Variants in ZNF277 observed in about 807,000 individuals in gnomAD.
ZNF277 encodes zinc finger protein 277.
Under a neutral mutation model 60.7 loss-of-function variants are expected in ZNF277, and 55 were observed. The ratio of observed to expected loss-of-function variants is 0.91; its 90% confidence interval spans 0.73 to 1.13. The LOEUF (loss-of-function observed/expected upper bound fraction) is 1.13, where lower values mean the gene tolerates loss of function less well. Among genes scored for constraint, ZNF277 ranks in the 50% most tolerant of loss-of-function variants. The pLI is 0.00. For missense variants in ZNF277, 510 were observed against 523.0 expected, an observed-to-expected ratio of 0.98 and a Z score of 0.24; for synonymous variants, 178 against 179.3, an observed-to-expected ratio of 0.99 and a Z score of 0.06.
intron 1 of ZNF277, among the ~76,000 whole-genome samples, chr7:112,270,466 A>G (rs1187761256): frequency 2.0e-5 from 3 of 152,090 alleles, no homozygotes; most frequent in South Asian, 4.1e-4. Flanking sequence ...TGCTTTTAAT[A>G]ATGAGAAAGC....
chr7:112,293,271 T>C (rs1406165349), intron 2 of ZNF277, among the ~76,000 whole-genome samples: 1 of 152,050 alleles, frequency 6.6e-6, no homozygotes, highest in Non-Finnish European at 1.5e-5. Flanking sequence ...ACAATATTGA[T>C]TGTCCATTTA....
intron 4 of ZNF277, among the ~76,000 whole-genome samples, chr7:112,311,031 C>T (rs1474905498): frequency 6.6e-6 from 1 of 152,112 alleles, no homozygotes; most frequent in Admixed American, 6.6e-5. Context: ...TCCCTTTAAG[C>T]ATCAGTTTTT....
At chr7:112,271,348 C>T (rs1791665340) in intron 1 of ZNF277, among the ~76,000 whole-genome samples, 1 of 152,106 alleles carries the variant, frequency 6.6e-6, no homozygotes, top group African/African-American at 2.4e-5. Flanking sequence ...CTCATCCTTC[C>T]TCTTTGAAGT....
intron 1 of ZNF277, among the ~76,000 whole-genome samples, chr7:112,239,252 T>C (rs1790881947): frequency 6.6e-6 from 1 of 152,152 alleles, no homozygotes; most frequent in Admixed American, 6.5e-5. Flanking sequence ...TCCTAAAGTT[T>C]CCAGTTCTAA....
At chr7:112,339,375 G>A (rs534235427) in intron 9 of ZNF277, among the ~76,000 whole-genome samples, 3 of 152,194 alleles carry the variant, frequency 2.0e-5, no homozygotes, top group Non-Finnish European at 2.9e-5. Context: ...CTGGAGTGCA[G>A]TGTCACGATC....
intron 4 of ZNF277, among the ~76,000 whole-genome samples, chr7:112,317,280 CAT>C (rs1233467765): frequency 6.6e-6 from 1 of 151,996 alleles, no homozygotes; most frequent in Admixed American, 6.6e-5. Flanking sequence ...ATGATCTGCA[CAT>C]GTATCCCAGA....
At chr7:112,238,644 C>CTT (rs1790866091) in intron 1 of ZNF277, among the ~76,000 whole-genome samples, 1 of 151,218 alleles carries the variant, frequency 6.6e-6, no homozygotes, top group Non-Finnish European at 1.5e-5. Context: ...CCCGCAGAGA[C>CTT]TCCATCCTTG....
At chr7:112,332,082 G>A (rs1793239284) in intron 7 of ZNF277, among the ~76,000 whole-genome samples, 1 of 152,226 alleles carries the variant, frequency 6.6e-6, no homozygotes, top group East Asian at 1.9e-4. Flanking sequence ...GAGCATGGCA[G>A]ATTGTGCTGC....
chr7:112,254,140 A>G (rs528512019), intron 1 of ZNF277, among the ~76,000 whole-genome samples: 1 of 152,364 alleles, frequency 6.6e-6, no homozygotes, highest in Admixed American at 6.5e-5. Context: ...TCTAACTAGC[A>G]TTGAATCTTT....
chr7:112,288,448 T>C (rs1000160508), intron 2 of ZNF277: 3 of 152,160 alleles, frequency 2.0e-5, no homozygotes, highest in African/African-American at 7.2e-5. Flanking sequence ...GCTGTATTAT[T>C]AAGAGCTGAC....
intron 1 of ZNF277, among the ~76,000 whole-genome samples, chr7:112,270,542 A>T (rs115043109): frequency 0.013 from 1,986 of 152,254 alleles, 47 homozygotes; most frequent in African/African-American, 0.046. Flanking sequence ...TACAACTTAT[A>T]TTGTATTCTG....
At chr7:112,258,367 C>CT (rs67383462) in intron 1 of ZNF277, among the ~76,000 whole-genome samples, 13 of 146,554 alleles carry the variant, frequency 8.9e-5, no homozygotes, top group South Asian at 2.2e-4. Flanking sequence ...ATAAACACTT[C>CT]TTTTTTTTTT....
intron 2 of ZNF277, among the ~76,000 whole-genome samples, chr7:112,294,997 C>T (rs1308122077): frequency 6.6e-6 from 1 of 152,064 alleles, no homozygotes; most frequent in Non-Finnish European, 1.5e-5. Context: ...CAATAAGTCC[C>T]ATTTCTTTTT....
intron 4 of ZNF277, 117 bp from the exon 5 acceptor site, chr7:112,318,065 A>G (rs1394756913): frequency 1.4e-6 from 1 of 740,320 alleles, no homozygotes; most frequent in Non-Finnish European, 2.2e-6. Context: ...AAATGTTGGC[A>G]ACTTTTATAT....
At chr7:112,272,095 G>A (rs1791682580) in intron 1 of ZNF277, among the ~76,000 whole-genome samples, 1 of 151,938 alleles carries the variant, frequency 6.6e-6, no homozygotes, top group East Asian at 1.9e-4. Context: ...CCCCCTACTA[G>A]CCAGCCTCTA....
rs1383085430 is a variant in ZNF277 at position 112,339,982 on chromosome 7, C to T, written c.1009+97C>T. 11 of 1,118,872 alleles carry T rather than the reference C, an allele frequency of 9.8e-6. No individual in the cohort carries two copies. In the Admixed American group the frequency reaches 1.6e-4, roughly 16 times the overall value. 69.3% of individuals were successfully genotyped at this position (1,118,872 alleles called of 1,614,324 possible). On this transcript the variant is annotated intron_variant, in intron 10 of 11. Transcript: ENST00000361822. ...GTTCAGTAGCTATGATTGGAGAGTG[C>T]ACCACCAAAACATGTCTCTCTATAG...
chr7:112,219,704 C>T (rs773270837), intron 1 of ZNF277, among the ~76,000 whole-genome samples: 18 of 152,308 alleles, frequency 1.2e-4, no homozygotes, highest in East Asian at 3.9e-4. Flanking sequence ...GGCACAATCA[C>T]GGCTCACTGC....
chr7:112,218,557 C>T (rs6965896), intron 1 of ZNF277, among the ~76,000 whole-genome samples: 8,505 of 152,202 alleles, frequency 0.056, 340 homozygotes, highest in South Asian at 0.13. Context: ...TGTTGTACAG[C>T]AGATCTCCTG....
intron 2 of ZNF277, 97 bp downstream of exon 2, chr7:112,287,171 T>C: frequency 7.7e-7 from 1 of 1,290,490 alleles, no homozygotes; most frequent in South Asian, 1.3e-5. Context: ...AGTGGGAGGA[T>C]CACCCGAGGC....
Sources: allele counts gnomAD v4.1 joint callset (sites outside exome capture counted in the v4.1 genomes callset), GRCh38; gene constraint gnomAD v4.1.1; transcripts MANE v1.5; gene names NCBI Gene and HGNC (gene_info 2026-07-23, HGNC 2026-07-21).